NT5C1A: variants seen among roughly 807,000 people sequenced by gnomAD.
NT5C1A encodes 5'-nucleotidase, cytosolic IA, also known as cytosolic 5'-nucleotidase 1A.
NT5C1A carries 18 observed loss-of-function variants against 31.0 expected under a neutral mutation model. That is an observed-to-expected ratio of 0.58 (90% CI 0.40 to 0.86). NT5C1A has a LOEUF of 0.86. Among genes scored for constraint, NT5C1A ranks in the 40% least tolerant of loss-of-function variants. NT5C1A has a pLI of 0.00. For missense variants in NT5C1A, 470 were observed against 505.4 expected, an observed-to-expected ratio of 0.93 and a Z score of 0.67; for synonymous variants, 185 against 203.6, an observed-to-expected ratio of 0.91 and a Z score of 0.78.
rs1646520350 is a variant in NT5C1A, at chr1:39,666,102, G to A, written c.270C>T (p.Pro90=). The A allele has an allele frequency of 6.2e-7, 1 of 1,613,654 alleles. No homozygotes were observed. The highest frequency in any genetic ancestry group is 8.5e-7 in the Non-Finnish European group (1 of 1,179,966). Residue 90 remains proline, a synonymous_variant, in exon 2 of 6, where the codon CCC becomes CCT. Coordinates refer to ENST00000235628, the MANE Select transcript of NT5C1A (RefSeq NM_032526.3). ...AAGGGAAGGCTGGCCCGGGACTGAA[G>A]GGTTCGTTCTCATGTTCCAGCTGGT... The part of the protein sequence containing the change: ...VRYQLEHENE[P]FSPGPAFPFV...
intron 1 of NT5C1A, among the ~76,000 whole-genome samples, chr1:39,669,355 TAGAG>T (rs930767658): frequency 2.0e-5 from 3 of 152,094 alleles, no homozygotes; most frequent in Non-Finnish European, 2.9e-5. Context: ...CAGTAGGACT[TAGAG>T]AGGGAAGGGC....
At chr1:39,663,198 C>T (rs1165530191) in intron 4 of NT5C1A, 114 bp downstream of exon 4, 7 of 1,216,988 alleles carry the variant, frequency 5.8e-6, no homozygotes, top group Non-Finnish European at 7.2e-6. Flanking sequence ...TCAGCCTTGC[C>T]TTCTAGTTAC....
rs1646490912 is a variant in NT5C1A at position 39,661,104 on chromosome 1, G to C, written c.716C>G (p.Ala239Gly). ...CTGAGCCAGAGGTTTGTTCTCGTGG[G>C]CCTTCTCATGCTCGAAGAATCGGTC... is the stretch of plus-strand genomic sequence containing the variant. ...GLDRFFEHEK[A>G]HENKPLAQGP... is the part of the protein sequence containing the mutation. Residue 239 changes from alanine (A) to glycine (G), a missense_variant, in exon 5 of 6, where the codon GCC becomes GGC. Transcript: ENST00000235628. The C allele has an allele frequency of 6.3e-7, 1 of 1,588,630 alleles. No individual in the cohort carries two copies. The highest frequency in any genetic ancestry group is 8.6e-7 in the Non-Finnish European group (1 of 1,159,358).
chr1:39,671,957 C>T lies in NT5C1A; in HGVS notation c.82G>A (p.Glu28Lys), dbSNP rs931074465. 6.2e-7 allele frequency: 1 copy of T among 1,612,920 alleles called. No homozygotes were observed. Among genetic ancestry groups the T allele is most frequent in the Non-Finnish European group, 8.5e-7 (1 of 1,179,880 alleles). ...GAETAAAPVW[E>K]EAKIFYDNLA... The stretch of plus-strand genomic sequence containing the variant: ...TTGTCGTAGAAAATCTTGGCTTCCT[C>T]CCAGACCGGGGCCGCAGCGGTCTCC... Residue 28 changes from glutamate (E) to lysine (K), a missense_variant, in exon 1 of 6, where the codon GAG (glutamate) becomes AAG (lysine). By Grantham distance (56) the Glu-to-Lys change is moderately conservative. Transcript: ENST00000235628.
At position 39,672,022 on chromosome 1, in the gene NT5C1A, G is replaced by A. The variant is rs1327199183; in HGVS notation, c.17C>T (p.Pro6Leu). Residue 6 changes from proline (P) to leucine (L), a missense_variant, in exon 1 of 6, where the codon CCC becomes CTC. By Grantham distance (98) the Pro-to-Leu change is moderately conservative (BLOSUM62 -3). Transcript: ENST00000235628. MEPGQPREPQEPREPG... is the reference protein window; with the variant it reads MEPGQLREPQEPREPG... ...CTCGCGGGGCTCCTGGGGCTCCCGG[G>A]GCTGCCCAGGTTCCATGCTCCGGCT... is the stretch of plus-strand genomic sequence containing the variant. 6.2e-7 allele frequency: 1 copy of A among 1,602,614 alleles called. No individual in the cohort carries two copies.
chr1:39,671,296 G>A (rs1039185158), intron 1 of NT5C1A, among the ~76,000 whole-genome samples: 3 of 152,228 alleles, frequency 2.0e-5, no homozygotes, highest in Non-Finnish European at 4.4e-5. Context: ...AGCAGAACCC[G>A]AGCTGGGGGG....
At chr1:39,670,674 C>T (rs577067358) in intron 1 of NT5C1A, among the ~76,000 whole-genome samples, 86 of 152,346 alleles carry the variant, frequency 5.6e-4, no homozygotes, top group Admixed American at 5.6e-3. Flanking sequence ...CACATCCCTC[C>T]AGCTCTTCTT....
At chr1:39,667,659 A>T (rs1255504051) in intron 1 of NT5C1A, among the ~76,000 whole-genome samples, 1 of 152,138 alleles carries the variant, frequency 6.6e-6, no homozygotes, top group Non-Finnish European at 1.5e-5. Flanking sequence ...TCTGAGAGAC[A>T]CCGTGGTGGA....
intron 1 of NT5C1A, among the ~76,000 whole-genome samples, chr1:39,671,147 T>C (rs916832082): frequency 1.3e-5 from 2 of 152,196 alleles, no homozygotes; most frequent in African/African-American, 2.4e-5. Flanking sequence ...ATCTGGGAAG[T>C]TGGAGACAGC....
In NT5C1A at chr1:39,656,274, G is replaced by T. The variant is rs549754856; in HGVS notation, c.*2847C>A. On this transcript the variant is annotated 3_prime_UTR_variant, in exon 6 of 6. Transcript: ENST00000235628. The stretch of plus-strand genomic sequence containing the variant: ...GGCCTGGGACTTTGGTGTTCACCTG[G>T]CTTTTTAATTTACTGGTGAACAACA... Among the ~76,000 whole-genome samples the T allele has an allele frequency of 3.9e-5, 6 of 152,254 alleles. No individual in the cohort carries two copies. Among genetic ancestry groups the T allele is most frequent in the Middle Eastern group, 3.4e-3 (1 of 294 alleles).
chr1:39,668,226 C>T (rs1041204971), intron 1 of NT5C1A, among the ~76,000 whole-genome samples: 1 of 152,214 alleles, frequency 6.6e-6, no homozygotes, highest in Non-Finnish European at 1.5e-5. Context: ...TGAGCTTGCT[C>T]CACCCACTGG....
At position 39,671,974 on chromosome 1, in the gene NT5C1A, G is replaced by A. The variant is rs770107262; in HGVS notation, c.65C>T (p.Ala22Val). 2.5e-6 allele frequency: 4 copies of A among 1,611,682 alleles called. No homozygotes were observed. The South Asian group carries it at 4.4e-5, about 18-fold the overall frequency. The stretch of plus-strand genomic sequence containing the variant: ...GGCTTCCTCCCAGACCGGGGCCGCA[G>A]CGGTCTCCGCTCCTGGCCCGGGCTC... ...PREPGPGAETAAAPVWEEAKI... is the reference protein window; with the variant it reads ...PREPGPGAETVAAPVWEEAKI... The change falls in exon 1 of 6, where the codon GCT (alanine) becomes GTT (valine). Residue 22 changes from alanine (A) to valine (V), a missense_variant. Transcript: ENST00000235628.
At chr1:39,668,268 C>G (rs1342283303) in intron 1 of NT5C1A, among the ~76,000 whole-genome samples, 1 of 152,218 alleles carries the variant, frequency 6.6e-6, no homozygotes, top group African/African-American at 2.4e-5. Context: ...GCCATCACCC[C>G]TCTAAGGACA....
Position 39,656,882 on chromosome 1 carries a change from G to C in NT5C1A, c.*2239C>G, listed in dbSNP as rs1031718543. On this transcript the variant is annotated 3_prime_UTR_variant, in exon 6 of 6. Coordinates refer to ENST00000235628, the MANE Select transcript of NT5C1A (RefSeq NM_032526.3). Reference sequence around the variant, plus strand: ...TTCTGCAGTTCAGCCAAGAATAAAGGAGACTCAGGGCTGAGCTCCCTCCTT... The same window carrying C: ...TTCTGCAGTTCAGCCAAGAATAAAGCAGACTCAGGGCTGAGCTCCCTCCTT... Among the ~76,000 whole-genome samples the C allele has an allele frequency of 6.6e-6, 1 of 152,220 alleles. No individual in the cohort carries two copies. Among genetic ancestry groups the C allele is most frequent in the Admixed American group, 6.5e-5 (1 of 15,286 alleles).
Position 39,655,163 on chromosome 1 carries a change from A to C in NT5C1A, c.*3958T>G, listed in dbSNP as rs1646453337. On this transcript the variant is annotated 3_prime_UTR_variant, in exon 6 of 6. Transcript: ENST00000235628. ...CATCATGTTGGGCAGGATGGTCTCGATCTCCTGACCTTGTGATCCACCCGC... is the reference window on the plus strand; with the variant it reads ...CATCATGTTGGGCAGGATGGTCTCGCTCTCCTGACCTTGTGATCCACCCGC... Among the ~76,000 whole-genome samples the C allele has an allele frequency of 1.3e-5, 2 of 152,146 alleles. No homozygotes were observed. Among genetic ancestry groups the C allele is most frequent in the Non-Finnish European group, 2.9e-5 (2 of 68,024 alleles).
rs1030381013 is a variant in NT5C1A, at chr1:39,657,586, C to T, written c.*1535G>A. The stretch of plus-strand genomic sequence containing the variant: ...CCTGGGGACCAGCCATTGGTGCTTC[C>T]ACCCTCCCTCTGGAGAGAGCCAGGG... On this transcript the variant is annotated 3_prime_UTR_variant, in exon 6 of 6. Coordinates refer to ENST00000235628, the MANE Select transcript of NT5C1A (RefSeq NM_032526.3). Among the ~76,000 whole-genome samples, 3 of 152,210 alleles carry T rather than the reference C, an allele frequency of 2.0e-5. No individual in the cohort carries two copies. In the South Asian group the frequency reaches 6.2e-4, roughly 32 times the overall value.
intron 1 of NT5C1A, among the ~76,000 whole-genome samples, chr1:39,669,363 G>C (rs1646538706): frequency 6.6e-6 from 1 of 152,196 alleles, no homozygotes; most frequent in South Asian, 2.1e-4. Flanking sequence ...CTTAGAGAGG[G>C]AAGGGCTGCT....
rs144875467 is a variant in NT5C1A at position 39,666,023 on chromosome 1, C to T, written c.303+46G>A. 3.2e-6 allele frequency: 5 copies of T among 1,562,214 alleles called. No individual in the cohort carries two copies. The East Asian group carries it at 9.0e-5, about 28-fold the overall frequency. Reference sequence around the variant, plus strand: ...ACTCATGGGAGTGCTTTTTTCTAATCCCCACGAAGGCGCTATATGAGCTAG... The same window carrying T: ...ACTCATGGGAGTGCTTTTTTCTAATTCCCACGAAGGCGCTATATGAGCTAG... On this transcript the variant is annotated intron_variant, in intron 2 of 5. Transcript: ENST00000235628.
rs1163447485 is a variant in NT5C1A at position 39,653,784 on chromosome 1, G to C, written c.*5337C>G. On this transcript the variant is annotated 3_prime_UTR_variant, in exon 6 of 6. Coordinates refer to ENST00000235628, the MANE Select transcript of NT5C1A (RefSeq NM_032526.3). Reference sequence around the variant, plus strand: ...AAACCCGTGATCTGGGAAGCCGCCAGCCACACGATGCTATTCATCCACCTC... The same window carrying C: ...AAACCCGTGATCTGGGAAGCCGCCACCCACACGATGCTATTCATCCACCTC... 6.6e-6 allele frequency among the ~76,000 whole-genome samples: 1 copy of C among 152,192 alleles called. No individual in the cohort carries two copies. Among genetic ancestry groups the C allele is most frequent in the Non-Finnish European group, 1.5e-5 (1 of 68,032 alleles).
Sources: allele counts gnomAD v4.1 joint callset (sites outside exome capture counted in the v4.1 genomes callset), GRCh38; gene constraint gnomAD v4.1.1; transcripts MANE v1.5; gene names NCBI Gene and HGNC (gene_info 2026-07-23, HGNC 2026-07-21).